Variants in GLE1 observed in about 807,000 individuals in gnomAD.
GLE1 encodes mRNA export factor GLE1.
In GLE1, 78 loss-of-function variants were observed where a neutral mutation model predicts 97.3. That is an observed-to-expected ratio of 0.80 (90% CI 0.67 to 0.97). The LOEUF (loss-of-function observed/expected upper bound fraction) is 0.97, where lower values mean the gene tolerates loss of function less well. GLE1 is among the 50% of genes least tolerant of loss of function. The probability of loss-of-function intolerance (pLI) is 0.00; values close to 1 mark genes in which losing one functional copy is unlikely to be tolerated. For missense variants in GLE1, 753 were observed against 857.5 expected, an observed-to-expected ratio of 0.88 and a Z score of 1.52; for synonymous variants, 302 against 313.4, an observed-to-expected ratio of 0.96 and a Z score of 0.39.
intron 2 of GLE1, 131 bp downstream of exon 2, chr9:128,509,228 A>G: frequency 2.8e-6 from 2 of 709,580 alleles, no homozygotes; most frequent in Admixed American, 2.0e-5. Context: ...TTGTAGAGAC[A>G]ATGTTGACAG....
At chr9:128,538,331 A>G (rs192384996) in intron 13 of GLE1, among the ~76,000 whole-genome samples, 2 of 152,304 alleles carry the variant, frequency 1.3e-5, no homozygotes, top group Admixed American at 6.5e-5. Context: ...TGTACATTCT[A>G]GCAAAAGTGA....
intron 2 of GLE1, among the ~76,000 whole-genome samples, chr9:128,511,555 A>T (rs2132415698): frequency 6.6e-6 from 1 of 151,540 alleles, no homozygotes; most frequent in Admixed American, 6.6e-5. Context: ...AAAATAAAAA[A>T]AAAAATTAGG....
At chr9:128,506,496 T>C (rs956780214) in intron 1 of GLE1, among the ~76,000 whole-genome samples, 3 of 152,226 alleles carry the variant, frequency 2.0e-5, no homozygotes, top group Non-Finnish European at 4.4e-5. Context: ...GACATTTCTT[T>C]ACTTTTTGAC....
intron 3 of GLE1, among the ~76,000 whole-genome samples, chr9:128,522,022 A>T (rs1188219167): frequency 6.6e-6 from 1 of 152,194 alleles, no homozygotes; most frequent in East Asian, 1.9e-4. Context: ...AGGAATGTGT[A>T]TAGCTTGTTT....
chr9:128,533,229 G>T (rs1022381587), intron 9 of GLE1, among the ~76,000 whole-genome samples: 1 of 151,220 alleles, frequency 6.6e-6, no homozygotes, highest in Non-Finnish European at 1.5e-5. Flanking sequence ...TTAGAGACCA[G>T]CCTGGCCAAC....
chr9:128,540,389 C>A, intron 15 of GLE1, 51 bp downstream of exon 15: 1 of 1,150,582 alleles, frequency 8.7e-7, no homozygotes, highest in Non-Finnish European at 1.3e-6. Context: ...GGCTGGAATG[C>A]ACCTATGTCT....
chr9:128,510,632 G>A (rs553041427), intron 2 of GLE1, among the ~76,000 whole-genome samples: 67 of 150,842 alleles, frequency 4.4e-4, no homozygotes, highest in Middle Eastern at 3.4e-3. Context: ...GGGTTCACGC[G>A]GTTCTTCTGC....
rs1451795123 is a variant in GLE1, at chr9:128,541,475, C to T, written c.*305C>T. ...TGGTCTCCTCCCTTGTCTCTAGTGTCTTTCAGAAAGTTGGCAATACCTTAA... is the reference window on the plus strand; with the variant it reads ...TGGTCTCCTCCCTTGTCTCTAGTGTTTTTCAGAAAGTTGGCAATACCTTAA... On this transcript the variant is annotated 3_prime_UTR_variant, in exon 16 of 16. Coordinates refer to ENST00000309971, the MANE Select transcript of GLE1 (RefSeq NM_001003722.2). 2 of 400,860 alleles carry T rather than the reference C, an allele frequency of 5.0e-6. No individual in the cohort carries two copies. Among genetic ancestry groups the T allele is most frequent in the Non-Finnish European group, 4.6e-6 (1 of 215,890 alleles). The allele number at this position is 400,860 out of a possible 1,614,324, so 24.8% of individuals were successfully genotyped here.
At chr9:128,536,334 A>G in intron 11 of GLE1, 21 bp from the exon 12 acceptor site, 1 of 1,610,554 alleles carries the variant, frequency 6.2e-7, no homozygotes, top group Non-Finnish European at 8.5e-7. Flanking sequence ...ACACCCGGCC[A>G]AATTTTTTCT....
intron 3 of GLE1, among the ~76,000 whole-genome samples, chr9:128,521,054 A>G (rs1036197186): frequency 2.0e-5 from 3 of 151,996 alleles, no homozygotes; most frequent in Non-Finnish European, 4.4e-5. Context: ...CAGCCAGTGC[A>G]CCTGGCTATT....
intron 3 of GLE1, among the ~76,000 whole-genome samples, chr9:128,515,913 G>C (rs1846972922): frequency 6.7e-6 from 1 of 149,978 alleles, no homozygotes; most frequent in African/African-American, 2.5e-5. Context: ...GTCTGGGATT[G>C]TTAGATAAGC....
intron 2 of GLE1, among the ~76,000 whole-genome samples, chr9:128,509,549 T>C (rs1411285698): frequency 1.3e-5 from 2 of 151,466 alleles, no homozygotes; most frequent in Non-Finnish European, 2.9e-5. Flanking sequence ...TTAAAAATGC[T>C]AAACTGGGGC....
chr9:128,515,112 C>T (rs1846943141), intron 2 of GLE1, among the ~76,000 whole-genome samples: 1 of 152,180 alleles, frequency 6.6e-6, no homozygotes, highest in African/African-American at 2.4e-5. Flanking sequence ...AGCCACCACA[C>T]CCGGCCTGAG....
intron 3 of GLE1, among the ~76,000 whole-genome samples, chr9:128,518,655 G>C (rs1465981862): frequency 6.6e-6 from 1 of 151,988 alleles, no homozygotes; most frequent in Non-Finnish European, 1.5e-5. Flanking sequence ...GGATCACGAG[G>C]TCGGGAGTTC....
At position 128,525,394 on chromosome 9, in the gene GLE1, G is replaced by T. The variant is rs762930334; in HGVS notation, c.1100G>T (p.Ser367Ile). ...PEAHKEPPAP[S>I]QGPGGKQNED... ...GCCCACAAAGAGCCCCCAGCTCCCAGCCAGGGCCCAGGAGGGAAACAGAAT... is the reference window on the plus strand; with the variant it reads ...GCCCACAAAGAGCCCCCAGCTCCCATCCAGGGCCCAGGAGGGAAACAGAAT... The change falls in exon 7 of 16, where the codon AGC becomes ATC. Residue 367 changes from serine (S) to isoleucine (I), a missense_variant. Physicochemically the swap from Ser to Ile is moderately radical, Grantham distance 142. Transcript: ENST00000309971. 4.4e-6 allele frequency: 7 copies of T among 1,609,008 alleles called. No individual in the cohort carries two copies. Among genetic ancestry groups the T allele is most frequent in the Non-Finnish European group, 8.5e-7 (1 of 1,177,522 alleles).
intron 15 of GLE1, 83 bp from the exon 16 acceptor site, chr9:128,541,019 C>G (rs1443450345): frequency 1.2e-6 from 1 of 844,622 alleles, no homozygotes; most frequent in African/African-American, 1.7e-5. Context: ...ATATGGTGTT[C>G]CTCAAAGCTT....
At chr9:128,518,191 A>G (rs957146880) in intron 3 of GLE1, among the ~76,000 whole-genome samples, 3 of 151,072 alleles carry the variant, frequency 2.0e-5, no homozygotes, top group Non-Finnish European at 4.4e-5. Flanking sequence ...TAGTCACGGT[A>G]GTCATAAAGT....
chr9:128,523,857 C>T lies in GLE1; in HGVS notation c.897+11C>T, dbSNP rs771303658. ...CGGGCCTCTTCAGAGGTGAGGGGGG[C>T]TTCAGAGTGACTCTTTGCTGTCTTT... On this transcript the variant is annotated intron_variant, in intron 6 of 15. Transcript: ENST00000309971. 8.1e-6 allele frequency: 13 copies of T among 1,613,602 alleles called. No individual in the cohort carries two copies. The South Asian group carries it at 1.4e-4, about 18-fold the overall frequency.
At chr9:128,505,156 T>C (rs1283529093) in intron 1 of GLE1, among the ~76,000 whole-genome samples, 1 of 152,186 alleles carries the variant, frequency 6.6e-6, no homozygotes, top group African/African-American at 2.4e-5. Flanking sequence ...CCTCCGCCAG[T>C]TGGGCGCCTT....
Sources: gnomAD v4.1 joint callset for allele counts (sites outside exome capture counted in the v4.1 genomes callset) on GRCh38, gnomAD v4.1.1 for gene constraint, MANE v1.5 for transcripts, NCBI Gene and HGNC (gene_info 2026-07-23, HGNC 2026-07-21) for gene names.